The following DNAAF9 variants were observed in gnomAD, a reference collection of about 807,000 sequenced individuals.
DNAAF9 encodes dynein axonemal assembly factor 9, also known as shulin.
In DNAAF9, 90 loss-of-function variants were observed where a neutral mutation model predicts 167.0. The ratio of observed to expected loss-of-function variants is 0.54; its 90% confidence interval spans 0.45 to 0.64. The LOEUF (loss-of-function observed/expected upper bound fraction) is 0.64. Ranked by LOEUF, DNAAF9 falls within the 30% of genes least tolerant of loss-of-function variation. The pLI is 0.00. For synonymous variants in DNAAF9, 491 were observed against 508.8 expected, an observed-to-expected ratio of 0.96 and a Z score of 0.47; for missense variants, 1,315 against 1,442.2, an observed-to-expected ratio of 0.91 and a Z score of 1.43.
At chr20:3,393,914 G>A (rs1195894083) in intron 1 of DNAAF9, among the ~76,000 whole-genome samples, 3 of 152,166 alleles carry the variant, frequency 2.0e-5, no homozygotes, top group Non-Finnish European at 4.4e-5. Context: ...CTAATTACAA[G>A]GGAAGTTGTC....
chr20:3,343,999 C>T (rs2070141431), intron 8 of DNAAF9, among the ~76,000 whole-genome samples: 1 of 149,712 alleles, frequency 6.7e-6, no homozygotes, highest in African/African-American at 2.5e-5. Context: ...AAAATAATAC[C>T]AAAAAAGAAA....
At chr20:3,278,808 G>A in intron 29 of DNAAF9, 104 bp downstream of exon 29, 1 of 891,184 alleles carries the variant, frequency 1.1e-6, no homozygotes, top group Non-Finnish European at 1.9e-6. Flanking sequence ...AATTTTGTTT[G>A]CTTTAGATTT....
At chr20:3,255,909 G>T in intron 34 of DNAAF9, 97 bp downstream of exon 34, 2 of 868,280 alleles carry the variant, frequency 2.3e-6, no homozygotes, top group Non-Finnish European at 3.7e-6. Flanking sequence ...CAGTGGGGAG[G>T]CATCAGGGAG....
chr20:3,354,960 CA>C (rs1205563604), intron 7 of DNAAF9, among the ~76,000 whole-genome samples: 2 of 152,264 alleles, frequency 1.3e-5, no homozygotes, highest in East Asian at 3.9e-4. Context: ...GTTCCAGGTG[CA>C]ATTAAAGATG....
At chr20:3,293,490 G>C (rs1331629185) in intron 25 of DNAAF9, among the ~76,000 whole-genome samples, 1 of 149,552 alleles carries the variant, frequency 6.7e-6, no homozygotes, top group East Asian at 2.0e-4. Context: ...TTCGAGACCA[G>C]CCTAGTCAAC....
intron 1 of DNAAF9, among the ~76,000 whole-genome samples, chr20:3,389,995 C>T (rs2083803874): frequency 6.7e-6 from 1 of 148,668 alleles, no homozygotes; most frequent in Non-Finnish European, 1.5e-5. Context: ...AAGATCACGC[C>T]ACTGTACTCC....
At chr20:3,327,549 T>C (rs1000806114) in intron 12 of DNAAF9, among the ~76,000 whole-genome samples, 1 of 152,038 alleles carries the variant, frequency 6.6e-6, no homozygotes, top group African/African-American at 2.4e-5. Flanking sequence ...TAAAAATGTG[T>C]CTATTTTTAA....
intron 3 of DNAAF9, among the ~76,000 whole-genome samples, chr20:3,376,655 G>A (rs531089622): frequency 1.3e-5 from 2 of 152,318 alleles, no homozygotes; most frequent in South Asian, 2.1e-4. Context: ...GTGTACATTT[G>A]GTTTGGTCCA....
chr20:3,350,132 G>GAC (rs1306670611), intron 7 of DNAAF9, among the ~76,000 whole-genome samples: 24 of 137,646 alleles, frequency 1.7e-4, no homozygotes, highest in Admixed American at 1.1e-3. Context: ...CAGACACACA[G>GAC]ACACACAGAC....
intron 9 of DNAAF9, 55 bp from the exon 10 acceptor site, chr20:3,340,694 C>A (rs2070066205): frequency 1.3e-6 from 2 of 1,544,986 alleles, no homozygotes; most frequent in East Asian, 2.3e-5. Context: ...GCCAAGGCAA[C>A]CTTCCATGAC....
At chr20:3,274,024 T>A (rs1451474849) in intron 29 of DNAAF9, among the ~76,000 whole-genome samples, 1 of 152,114 alleles carries the variant, frequency 6.6e-6, no homozygotes, top group Non-Finnish European at 1.5e-5. Flanking sequence ...CATTTTATCA[T>A]CCTAGTCCTC....
intron 1 of DNAAF9, among the ~76,000 whole-genome samples, chr20:3,397,566 T>C (rs113084840): frequency 0.25 from 37,366 of 152,044 alleles, 5,148 homozygotes; most frequent in African/African-American, 0.36. Context: ...GATCTGCCCG[T>C]CTCAGCCTCC....
rs1289053295 is a variant in DNAAF9, at chr20:3,335,705, C to T, written c.982-3344G>A. On this transcript the variant is annotated intron_variant, in intron 10 of 36. Transcript: ENST00000252032. ...CCAGGAGGTGGAGGTTGCAGTGAGC[C>T]GAGATCATGCCACTGCACTCCAGTC... is the stretch of plus-strand genomic sequence containing the variant. 5.8e-5 allele frequency among the ~76,000 whole-genome samples: 8 copies of T among 137,118 alleles called. No homozygotes were observed. In the East Asian group the frequency reaches 1.1e-3, roughly 18 times the overall value. The allele number at this position is 137,118 out of a possible 152,430, so 90.0% of individuals were successfully genotyped here. A position where few individuals can be genotyped will look rare whatever the true frequency, so the allele number is the denominator to read the frequency against.
At chr20:3,370,636 T>C (rs945756974) in intron 6 of DNAAF9, among the ~76,000 whole-genome samples, 1 of 152,036 alleles carries the variant, frequency 6.6e-6, no homozygotes, top group African/African-American at 2.4e-5. Flanking sequence ...TCCCGATCTC[T>C]TGACCTCATG....
At chr20:3,374,587 G>A (rs1239778105) in intron 5 of DNAAF9, among the ~76,000 whole-genome samples, 1 of 152,152 alleles carries the variant, frequency 6.6e-6, no homozygotes, top group African/African-American at 2.4e-5. Flanking sequence ...TAGCTTCAAT[G>A]TGCAAGGTTT....
intron 25 of DNAAF9, among the ~76,000 whole-genome samples, chr20:3,292,031 C>T (rs1444025522): frequency 6.6e-6 from 1 of 151,124 alleles, no homozygotes; most frequent in African/African-American, 2.4e-5. Context: ...TGGAGTCTCG[C>T]TCCATTGCCC....
At chr20:3,389,130 A>G (rs1490900298) in intron 1 of DNAAF9, among the ~76,000 whole-genome samples, 1 of 151,622 alleles carries the variant, frequency 6.6e-6, no homozygotes, top group Non-Finnish European at 1.5e-5. Context: ...CACCCAACCC[A>G]GCTAATTTTT....
rs775132370 is a variant in DNAAF9, at chr20:3,250,042, C to T, written c.*2530G>A. On this transcript the variant is annotated 3_prime_UTR_variant, in exon 37 of 37. Transcript: ENST00000252032. ...CTTCAGCGACTTCAACATTATCCCA[C>T]GCACTCTGGGTGATATAAACTGAAG... 14 of 152,204 alleles carry T rather than the reference C, an allele frequency of 9.2e-5. No homozygotes were observed. Among genetic ancestry groups the T allele is most frequent in the Admixed American group, 1.3e-4 (2 of 15,284 alleles). The allele number at this position is 152,204 out of a possible 1,614,324, so 9.4% of individuals were successfully genotyped here.
In DNAAF9 at chr20:3,250,327, A is replaced by G. The variant is rs976200921; in HGVS notation, c.*2245T>C. ...AGGCATCCCCTGGCCTCAGTCCTCA[A>G]AGAGCTCACAGTGCACCGCGGGTGT... On this transcript the variant is annotated 3_prime_UTR_variant, in exon 37 of 37. Coordinates refer to ENST00000252032, the MANE Select transcript of DNAAF9 (RefSeq NM_001009984.3). 11 of 152,242 alleles carry G rather than the reference A, an allele frequency of 7.2e-5. No individual in the cohort carries two copies. Among genetic ancestry groups the G allele is most frequent in the African/African-American group, 2.2e-4 (9 of 41,464 alleles). The allele number at this position is 152,242 out of a possible 1,614,324, so 9.4% of individuals were successfully genotyped here.
Sources: allele counts gnomAD v4.1 joint callset (sites outside exome capture counted in the v4.1 genomes callset), GRCh38; gene constraint gnomAD v4.1.1; transcripts MANE v1.5; gene names NCBI Gene and HGNC (gene_info 2026-07-23, HGNC 2026-07-21).